The following TSNARE1 variants were observed in gnomAD, a reference collection of about 807,000 sequenced individuals.
The protein encoded by TSNARE1 is t-SNARE domain containing 1.
A neutral mutation model predicts 62.0 loss-of-function variants in TSNARE1; 49 were observed. The observed-to-expected ratio is 0.79, with a 90% CI of 0.63 to 1.00. The LOEUF is 1.00. Ranked by LOEUF, TSNARE1 falls within the 50% of genes least tolerant of loss-of-function variation. TSNARE1 has a pLI of 0.00. For synonymous variants in TSNARE1, 328 were observed against 294.4 expected, an observed-to-expected ratio of 1.11 and a Z score of -1.17; for missense variants, 755 against 700.1, an observed-to-expected ratio of 1.08 and a Z score of -0.88.
intron 13 of TSNARE1, among the ~76,000 whole-genome samples, chr8:142,219,782 A>T (rs1816120252): frequency 6.6e-6 from 1 of 152,144 alleles, no homozygotes; most frequent in Non-Finnish European, 1.5e-5. Context: ...CTGCCCCTCC[A>T]GGCCTCAGCC....
chr8:142,318,732 G>A, intron 6 of TSNARE1, 98 bp from the exon 7 acceptor site: 2 of 1,110,600 alleles, frequency 1.8e-6, no homozygotes, highest in South Asian at 2.6e-5. Flanking sequence ...CACGGGCCGA[G>A]TGGGGGAGAC....
intron 8 of TSNARE1, among the ~76,000 whole-genome samples, chr8:142,314,727 C>T (rs368847104): frequency 1.3e-5 from 2 of 152,358 alleles, no homozygotes; most frequent in East Asian, 1.9e-4. Flanking sequence ...CCCCAGTTTC[C>T]TCACCTGTCA....
At chr8:142,391,979 G>A (rs915482613) in intron 1 of TSNARE1, among the ~76,000 whole-genome samples, 4 of 152,244 alleles carry the variant, frequency 2.6e-5, no homozygotes, top group Admixed American at 6.5e-5. Flanking sequence ...CAGGGATCCC[G>A]TGACAACACC....
chr8:142,322,758 G>A (rs928785116), intron 6 of TSNARE1, among the ~76,000 whole-genome samples: 1 of 152,076 alleles, frequency 6.6e-6, no homozygotes, highest in African/African-American at 2.4e-5. Flanking sequence ...AGGCTGGCCT[G>A]GCTGTGTCCA....
At chr8:142,249,518 G>T (rs907107772) in intron 12 of TSNARE1, among the ~76,000 whole-genome samples, 2 of 152,168 alleles carry the variant, frequency 1.3e-5, no homozygotes, top group African/African-American at 4.8e-5. Flanking sequence ...TAAAGGAAGT[G>T]GGGAGGATGG....
chr8:142,378,235 G>A (rs919631100), intron 1 of TSNARE1, among the ~76,000 whole-genome samples: 3 of 152,210 alleles, frequency 2.0e-5, no homozygotes, highest in African/African-American at 4.8e-5. Flanking sequence ...GAGAAGGCGC[G>A]GACGCCACAC....
At chr8:142,277,548 G>A in intron 11 of TSNARE1, 1 of 985,450 alleles carries the variant, frequency 1.0e-6, no homozygotes, top group Non-Finnish European at 1.2e-6. Context: ...CCCCCACCCT[G>A]TCCTCAGGCT....
At chr8:142,334,961 A>T (rs1322834576) in intron 4 of TSNARE1, among the ~76,000 whole-genome samples, 2 of 152,280 alleles carry the variant, frequency 1.3e-5, no homozygotes, top group Non-Finnish European at 2.9e-5. Flanking sequence ...TGAAAGTAAC[A>T]GCAAGAAACC....
intron 1 of TSNARE1, among the ~76,000 whole-genome samples, chr8:142,391,034 T>C (rs1837478802): frequency 6.9e-6 from 1 of 144,894 alleles, no homozygotes; most frequent in South Asian, 2.2e-4. Context: ...CGCTGTACAC[T>C]GCGGGGGACT....
intron 1 of TSNARE1, among the ~76,000 whole-genome samples, chr8:142,381,773 G>A (rs572775814): frequency 4.7e-4 from 71 of 152,276 alleles, no homozygotes; most frequent in African/African-American, 1.3e-3. Context: ...GGCAAGCATC[G>A]TCACCTCCCC....
At chr8:142,322,584 G>A (rs1829624668) in intron 6 of TSNARE1, among the ~76,000 whole-genome samples, 1 of 152,218 alleles carries the variant, frequency 6.6e-6, no homozygotes, top group African/African-American at 2.4e-5. Flanking sequence ...AGGATACAAG[G>A]AAGTACACAG....
intron 1 of TSNARE1, among the ~76,000 whole-genome samples, chr8:142,401,584 T>C (rs2131525076): frequency 6.6e-6 from 1 of 152,220 alleles, no homozygotes; most frequent in South Asian, 2.1e-4. Flanking sequence ...AGGTCTAGGC[T>C]CTTGACCCAG....
chr8:142,312,618 G>A (rs1827772008), intron 9 of TSNARE1, among the ~76,000 whole-genome samples: 1 of 152,136 alleles, frequency 6.6e-6, no homozygotes, highest in African/African-American at 2.4e-5. Context: ...TCCAATTTCT[G>A]TTCAGCTTTT....
intron 1 of TSNARE1, among the ~76,000 whole-genome samples, chr8:142,362,738 C>T (rs929974766): frequency 6.6e-5 from 10 of 152,196 alleles, no homozygotes; most frequent in African/African-American, 1.9e-4. Flanking sequence ...GACATTCACA[C>T]CACAGCACAG....
Position 142,364,271 on chromosome 8 carries a change from C to T in TSNARE1, c.-39-9508G>A, listed in dbSNP as rs185720315. On this transcript the variant is annotated intron_variant, in intron 1 of 13. Coordinates refer to ENST00000524325, the MANE Select transcript of TSNARE1 (RefSeq NM_145003.5). Reference sequence around the variant, plus strand: ...AGAAGCATGTCCTCGTCATCCTACCCGCCACACTAAGCACTCCCGCGCTCA... The same window carrying T: ...AGAAGCATGTCCTCGTCATCCTACCTGCCACACTAAGCACTCCCGCGCTCA... Among the ~76,000 whole-genome samples the T allele has an allele frequency of 3.1e-3, 479 of 152,332 alleles. 2 individuals are homozygous for T. The highest frequency in any genetic ancestry group is 0.011 in the African/African-American group (461 of 41,562).
At chr8:142,279,228 C>T (rs943805715) in intron 11 of TSNARE1, among the ~76,000 whole-genome samples, 7 of 152,248 alleles carry the variant, frequency 4.6e-5, no homozygotes, top group Non-Finnish European at 1.0e-4. Context: ...TAAGGACAGC[C>T]GTGCTCACCG....
chr8:142,370,249 G>T (rs761537384), intron 1 of TSNARE1, among the ~76,000 whole-genome samples: 1 of 152,076 alleles, frequency 6.6e-6, no homozygotes, highest in Non-Finnish European at 1.5e-5. Context: ...TCAACAAACT[G>T]AGACAGTATC....
In TSNARE1 at chr8:142,284,423, T is replaced by C. The variant is rs1177655861; in HGVS notation, c.1353A>G (p.Gly451=). ...KDLASMVSEQ[G]EAVDSIEASL... ...GGGGCGGGTACCCACCAACAGCTTC[T>C]CCTTGCTCTGACACCATGGAGGCCA... Residue 451 remains glycine, a synonymous_variant, in exon 11 of 14, where the codon GGA becomes GGG. Coordinates refer to ENST00000524325, the MANE Select transcript of TSNARE1 (RefSeq NM_145003.5). The C allele has an allele frequency of 6.2e-7, 1 of 1,613,442 alleles. No homozygotes were observed. Among genetic ancestry groups the C allele is most frequent in the South Asian group, 1.1e-5 (1 of 91,082 alleles).
At chr8:142,387,621 G>A (rs1013198328) in intron 1 of TSNARE1, among the ~76,000 whole-genome samples, 1 of 151,908 alleles carries the variant, frequency 6.6e-6, no homozygotes, top group Non-Finnish European at 1.5e-5. Flanking sequence ...TTTTACTCAA[G>A]CCTACATGAA....
Sources: allele counts gnomAD v4.1 joint callset (sites outside exome capture counted in the v4.1 genomes callset), GRCh38; gene constraint gnomAD v4.1.1; transcripts MANE v1.5; gene names NCBI Gene and HGNC (gene_info 2026-07-23, HGNC 2026-07-21).